PDE4D: variants seen among roughly 807,000 people sequenced by gnomAD.
PDE4D encodes the protein 3',5'-cyclic-AMP phosphodiesterase 4D.
Under a neutral mutation model 87.4 loss-of-function variants are expected in PDE4D, and 24 were observed. The ratio of observed to expected loss-of-function variants is 0.27; its 90% CI spans 0.20 to 0.39. The LOEUF is 0.39. PDE4D is among the 10% of genes least tolerant of loss of function. PDE4D has a pLI of 1.00. For synonymous variants in PDE4D, 384 were observed against 383.2 expected (o/e 1.00, Z -0.02); for missense variants, 714 against 1,041.0 (o/e 0.69, Z 4.32).
chr5:60,310,201 C>T (rs1754882081), intron 1 of PDE4D, among the ~76,000 whole-genome samples: 1 of 152,168 alleles, frequency 6.6e-6, no homozygotes, highest in Non-Finnish European at 1.5e-5. Flanking sequence ...TTGGCCCTCT[C>T]TTTGACCTGA....
intron 2 of PDE4D, among the ~76,000 whole-genome samples, chr5:60,102,367 C>A (rs942597601): frequency 1.3e-5 from 2 of 151,984 alleles, no homozygotes; most frequent in African/African-American, 4.8e-5. Context: ...TCGACCAAGC[C>A]TTTTGAATTG....
rs116750624 is a variant in PDE4D, at chr5:59,250,407, C to T, written c.456-34439G>A. On this transcript the variant is annotated intron_variant, in intron 1 of 14. Transcript: ENST00000340635. The stretch of plus-strand genomic sequence containing the variant: ...ACTCATGAGGTTGAGGTGGGAGTAT[C>T]GCTTAAGCATGGGAGGTCAAAGCTG... Among the ~76,000 whole-genome samples, 810 of 149,376 alleles carry T rather than the reference C, an allele frequency of 5.4e-3. 9 individuals carry two copies. The highest frequency in any genetic ancestry group is 0.018 in the African/African-American group (716 of 40,620).
chr5:59,882,091 G>A (rs1423128476), intron 1 of PDE4D, among the ~76,000 whole-genome samples: 1 of 152,130 alleles, frequency 6.6e-6, no homozygotes, highest in African/African-American at 2.4e-5. Context: ...GCTATTTATG[G>A]CAGTTTCTGA....
intron 1 of PDE4D, among the ~76,000 whole-genome samples, chr5:59,556,432 GTGAGGCAA>G (rs1818931045): frequency 6.6e-6 from 1 of 152,144 alleles, no homozygotes. Context: ...GAGAACAATG[GTGAGGCAA>G]TGAGGTTACA....
rs571888124 is a variant in PDE4D at position 59,574,255 on chromosome 5, T to A, written c.455+318913A>T. ...GTAAAGGTAATATATATATATATAT[T>A]TTTTAACTATTACATACATATGTGA... On this transcript the variant is annotated intron_variant, in intron 1 of 14. Coordinates refer to ENST00000340635, the MANE Select transcript of PDE4D (RefSeq NM_001104631.2). Among the ~76,000 whole-genome samples, 228 of 146,508 alleles carry A rather than the reference T, an allele frequency of 1.6e-3. 2 individuals carry two copies. The highest frequency in any genetic ancestry group is 5.5e-3 in the African/African-American group (217 of 39,536).
chr5:59,640,753 T>A (rs1173656912), intron 1 of PDE4D, among the ~76,000 whole-genome samples: 1 of 152,222 alleles, frequency 6.6e-6, no homozygotes, highest in Non-Finnish European at 1.5e-5. Flanking sequence ...CCCACACTAC[T>A]TTTTGGAACC....
At chr5:60,461,670 T>C (rs62372011) in intron 1 of PDE4D, among the ~76,000 whole-genome samples, 6,305 of 152,280 alleles carry the variant, frequency 0.041, 154 homozygotes, top group Middle Eastern at 0.099. Flanking sequence ...CTCACACACA[T>C]GGTGGAACAT....
intron 1 of PDE4D, among the ~76,000 whole-genome samples, chr5:59,813,172 T>A (rs752737014): frequency 6.6e-6 from 1 of 152,172 alleles, no homozygotes; most frequent in Non-Finnish European, 1.5e-5. Context: ...AACCTAATGG[T>A]TCACAACTCC....
At chr5:60,097,703 CCTGT>C (rs1238624955) in intron 2 of PDE4D, among the ~76,000 whole-genome samples, 2 of 151,734 alleles carry the variant, frequency 1.3e-5, no homozygotes, top group Non-Finnish European at 2.9e-5. Flanking sequence ...TAACAACTCT[CCTGT>C]CTGTTATTTA....
intron 1 of PDE4D, among the ~76,000 whole-genome samples, chr5:59,776,044 A>T (rs1359690715): frequency 2.0e-5 from 3 of 152,134 alleles, no homozygotes; most frequent in South Asian, 2.1e-4. Flanking sequence ...ATAGTTGGAA[A>T]TTTTTTCTAA....
At chr5:60,177,747 C>T (rs372313140) in intron 2 of PDE4D, among the ~76,000 whole-genome samples, 7 of 152,104 alleles carry the variant, frequency 4.6e-5, no homozygotes, top group East Asian at 1.9e-4. Flanking sequence ...GAAATCTTTT[C>T]GTTTATTTAA....
chr5:58,981,131 C>T (rs867204786), intron 11 of PDE4D, among the ~76,000 whole-genome samples: 2 of 152,200 alleles, frequency 1.3e-5, no homozygotes, highest in Non-Finnish European at 2.9e-5. Flanking sequence ...TCCAGGAACA[C>T]TCTCACAGAC....
intron 1 of PDE4D, among the ~76,000 whole-genome samples, chr5:59,402,418 T>C (rs1790812638): frequency 6.6e-6 from 1 of 152,204 alleles, no homozygotes; most frequent in African/African-American, 2.4e-5. Flanking sequence ...TCTGCTGGTC[T>C]GATTGGCCAG....
In PDE4D at chr5:58,980,953, T is replaced by TA. The variant is rs1270627472; in HGVS notation, c.1553-3609dup. On this transcript the variant is annotated intron_variant, in intron 11 of 14. Coordinates refer to ENST00000340635, the MANE Select transcript of PDE4D (RefSeq NM_001104631.2). ...GAGAATCAACCAGGAACCCTGATGT[T>TA]AGAGGCAGGAGAATATGTATGTCCA... Among the ~76,000 whole-genome samples, 3 of 152,272 alleles carry TA rather than the reference T, an allele frequency of 2.0e-5. No individual in the cohort carries two copies. The East Asian group carries it at 5.8e-4, about 29-fold the overall frequency.
At chr5:59,874,273 T>G (rs1456280262) in intron 1 of PDE4D, among the ~76,000 whole-genome samples, 1 of 152,204 alleles carries the variant, frequency 6.6e-6, no homozygotes. Flanking sequence ...GTCCCTTCAC[T>G]CTACTTCTCA....
intron 1 of PDE4D, among the ~76,000 whole-genome samples, chr5:59,588,776 A>C (rs1825546177): frequency 6.6e-6 from 1 of 152,188 alleles, no homozygotes; most frequent in African/African-American, 2.4e-5. Flanking sequence ...ACAGCATAAA[A>C]GAATCTTGAG....
intron 2 of PDE4D, among the ~76,000 whole-genome samples, chr5:60,160,436 C>G (rs969157460): frequency 2.6e-5 from 4 of 151,966 alleles, no homozygotes; most frequent in Non-Finnish European, 5.9e-5. Flanking sequence ...CAGAATTAAT[C>G]AAATATAGAG....
chr5:60,422,707 A>G (rs138127801), intron 1 of PDE4D, among the ~76,000 whole-genome samples: 9,076 of 152,260 alleles, frequency 0.06, 376 homozygotes, highest in East Asian at 0.14. Context: ...TTAACCTTAA[A>G]TGTAAATGGG....
At chr5:59,729,883 C>T (rs1032926943) in intron 1 of PDE4D, among the ~76,000 whole-genome samples, 1 of 151,970 alleles carries the variant, frequency 6.6e-6, no homozygotes, top group African/African-American at 2.4e-5. Context: ...CTTCTGAAAC[C>T]AAGTCAAAAG....
Sources: gnomAD v4.1 joint callset for allele counts (sites outside exome capture counted in the v4.1 genomes callset) on GRCh38, gnomAD v4.1.1 for gene constraint, MANE v1.5 for transcripts, NCBI Gene and HGNC (gene_info 2026-07-23, HGNC 2026-07-21) for gene names.